The following RAB3GAP2 variants were observed in gnomAD, a reference collection of about 807,000 sequenced individuals.
RAB3GAP2 encodes rab3 GTPase-activating protein non-catalytic subunit.
Under a neutral mutation model 185.3 loss-of-function variants are expected in RAB3GAP2, and 87 were observed. The ratio of observed to expected loss-of-function variants is 0.47; its 90% confidence interval spans 0.39 to 0.56. The LOEUF (loss-of-function observed/expected upper bound fraction) is 0.56, where lower values mean the gene tolerates loss of function less well. Among genes scored for constraint, RAB3GAP2 ranks in the 20% least tolerant of loss-of-function variants. The probability of loss-of-function intolerance (pLI) is 0.00; values close to 1 mark genes in which losing one functional copy is unlikely to be tolerated. For synonymous variants in RAB3GAP2, 554 were observed against 576.1 expected, an observed-to-expected ratio of 0.96 and a Z score of 0.55; for missense variants, 1,492 against 1,638.2, an observed-to-expected ratio of 0.91 and a Z score of 1.54.
At chr1:220,168,746 C>T (rs115194366) in intron 24 of RAB3GAP2, among the ~76,000 whole-genome samples, 3 of 152,154 alleles carry the variant, frequency 2.0e-5, no homozygotes, top group African/African-American at 7.2e-5. Context: ...TATTTATGGG[C>T]CTAATTTAGC....
At chr1:220,200,651 C>A in intron 9 of RAB3GAP2, 1 of 524,286 alleles carries the variant, frequency 1.9e-6, no homozygotes. Context: ...GGGAAGCTAC[C>A]CTGAACTGAA....
At chr1:220,218,951 A>C (rs955523503) in intron 2 of RAB3GAP2, among the ~76,000 whole-genome samples, 2 of 152,198 alleles carry the variant, frequency 1.3e-5, no homozygotes, top group African/African-American at 4.8e-5. Context: ...TACAAGGACA[A>C]AAAGCCTCTA....
chr1:220,178,647 T>C (rs61830432), intron 21 of RAB3GAP2, among the ~76,000 whole-genome samples: 40,006 of 151,694 alleles, frequency 0.26, 5,507 homozygotes, highest in East Asian at 0.4. Flanking sequence ...AAGCCTACAA[T>C]AGATACACAA....
chr1:220,162,684 A>T (rs1657984288), intron 27 of RAB3GAP2, among the ~76,000 whole-genome samples: 1 of 152,210 alleles, frequency 6.6e-6, no homozygotes, highest in Non-Finnish European at 1.5e-5. Context: ...CCACAGGGAA[A>T]ACTGCTGGGT....
chr1:220,220,870 G>GT (rs1278973410), intron 2 of RAB3GAP2, among the ~76,000 whole-genome samples: 3 of 152,304 alleles, frequency 2.0e-5, no homozygotes, highest in Admixed American at 6.5e-5. Context: ...ACGTGGAAGT[G>GT]TAAGTCCAAT....
chr1:220,256,163 A>G (rs1464701379), intron 1 of RAB3GAP2, among the ~76,000 whole-genome samples: 1 of 152,250 alleles, frequency 6.6e-6, no homozygotes, highest in Admixed American at 6.5e-5. Context: ...GCTAAGCTTC[A>G]TAGATGAAGG....
chr1:220,210,397 C>T lies in RAB3GAP2; in HGVS notation c.603G>A (p.Val201=). The T allele has an allele frequency of 6.2e-7, 1 of 1,613,758 alleles. No homozygotes were observed. The highest frequency in any genetic ancestry group is 8.5e-7 in the Non-Finnish European group (1 of 1,179,634). The change falls in exon 7 of 35, where the codon GTG becomes GTA. Residue 201 remains valine (V), a synonymous_variant. Coordinates refer to ENST00000358951, the MANE Select transcript of RAB3GAP2 (RefSeq NM_012414.4). ...RTYEIPRHPG[V]TEQNEELSIL... ...CAATTTTTTACACTACCTGCTCAGT[C>T]ACGCCGGGATGTCGTGGTATTTCAT...
At chr1:220,182,029 C>G (rs996850139) in intron 21 of RAB3GAP2, among the ~76,000 whole-genome samples, 1 of 151,246 alleles carries the variant, frequency 6.6e-6, no homozygotes, top group African/African-American at 2.4e-5. Context: ...GCAAGACTCT[C>G]TCTCTCTCTC....
chr1:220,229,077 G>C (rs1014722384), intron 2 of RAB3GAP2, among the ~76,000 whole-genome samples: 3 of 152,144 alleles, frequency 2.0e-5, no homozygotes, highest in African/African-American at 4.8e-5. Context: ...AAGAAGACAT[G>C]CTTTACAGGT....
At position 220,210,466 on chromosome 1, in the gene RAB3GAP2, C is replaced by T; in HGVS notation, c.534G>A (p.Gln178=). 6.2e-7 allele frequency: 1 copy of T among 1,614,078 alleles called. No homozygotes were observed. Among genetic ancestry groups the T allele is most frequent in the Non-Finnish European group, 8.5e-7 (1 of 1,179,914 alleles). The change falls in exon 7 of 35, where the codon CAG becomes CAA. Residue 178 remains glutamine (Q), a synonymous_variant. Coordinates refer to ENST00000358951, the MANE Select transcript of RAB3GAP2 (RefSeq NM_012414.4). The stretch of plus-strand genomic sequence containing the variant: ...GAAGTACTGGGTCCTCATTCAAAAG[C>T]TGTGCAAGCAAGAGCACACCATTCT... ...YTENGVLLLA[Q]LLNEDPVLQL...
chr1:220,199,697 C>T (rs1461145091), intron 9 of RAB3GAP2, among the ~76,000 whole-genome samples: 2 of 152,132 alleles, frequency 1.3e-5, no homozygotes, highest in African/African-American at 4.8e-5. Context: ...TCCTCTCCTC[C>T]TCCTTATTCT....
chr1:220,216,690 T>C (rs867004770), intron 2 of RAB3GAP2, among the ~76,000 whole-genome samples: 1 of 152,314 alleles, frequency 6.6e-6, no homozygotes, highest in Middle Eastern at 3.4e-3. Flanking sequence ...ACTCTTATCC[T>C]AAAATCTCCA....
At chr1:220,211,467 G>A in intron 4 of RAB3GAP2, 3 of 435,538 alleles carry the variant, frequency 6.9e-6, no homozygotes, top group South Asian at 1.7e-5. Context: ...CTGTATTTCT[G>A]CAGGGTACAT....
chr1:220,152,049 C>T (rs1205231797), intron 33 of RAB3GAP2, among the ~76,000 whole-genome samples: 1 of 151,984 alleles, frequency 6.6e-6, no homozygotes, highest in African/African-American at 2.4e-5. Flanking sequence ...AGTTTCATGT[C>T]ATGTCTATTT....
chr1:220,184,267 T>G, intron 18 of RAB3GAP2, 104 bp from the exon 19 acceptor site: 1 of 1,108,036 alleles, frequency 9.0e-7, no homozygotes, highest in East Asian at 2.5e-5. Context: ...TCCCTGATGC[T>G]CTGATGTATT....
At position 220,224,459 on chromosome 1, in the gene RAB3GAP2, T is replaced by C. The variant is rs150936547; in HGVS notation, c.180+8340A>G. 9.0e-3 allele frequency among the ~76,000 whole-genome samples: 1,370 copies of C among 152,308 alleles called. 53 individuals are homozygous for C. Among genetic ancestry groups the C allele is most frequent in the Admixed American group, 0.062 (954 of 15,304 alleles). On this transcript the variant is annotated intron_variant, in intron 2 of 34. Coordinates refer to ENST00000358951, the MANE Select transcript of RAB3GAP2 (RefSeq NM_012414.4). Reference sequence around the variant, plus strand: ...ACAGTACAGCTATACAATAAAATAGTATTCCTTGAAAAGAATGAAATAATT... The same window carrying C: ...ACAGTACAGCTATACAATAAAATAGCATTCCTTGAAAAGAATGAAATAATT...
rs970716936 is a variant in RAB3GAP2, at chr1:220,170,997, T to A, written c.2701A>T (p.Thr901Ser). The A allele has an allele frequency of 6.2e-7, 1 of 1,614,064 alleles. No homozygotes were observed. ...KQLEDCLILQ[T>S]LLHSKGNTQT... The stretch of plus-strand genomic sequence containing the variant: ...GTGTTCCCTTTGCTGTGAAGCAGAG[T>A]CTGAAGTATGAGACAATCCTCCAGC... The change falls in exon 24 of 35, where the codon ACT becomes TCT. Residue 901 changes from threonine (T) to serine (S), a missense_variant. This residue lies in a region of RAB3GAP2 where 681 missense variants were observed against 689.1 expected (regional missense o/e 0.99). Transcript: ENST00000358951.
intron 1 of RAB3GAP2, chr1:220,267,275 G>A (rs1660244972): frequency 3.0e-5 from 27 of 907,846 alleles, no homozygotes; most frequent in Non-Finnish European, 4.8e-5. Context: ...ACTGTTTCAA[G>A]TGGTGTATAT....
chr1:220,234,415 C>T (rs1428209686), intron 1 of RAB3GAP2, among the ~76,000 whole-genome samples: 1 of 151,558 alleles, frequency 6.6e-6, no homozygotes, highest in Non-Finnish European at 1.5e-5. Context: ...TAGTCTAGTA[C>T]TTGGAGTCAT....
Sources: allele counts gnomAD v4.1 joint callset (sites outside exome capture counted in the v4.1 genomes callset), GRCh38; gene constraint gnomAD v4.1.1; regional missense constraint gnomAD v4.1.1; transcripts MANE v1.5; gene names NCBI Gene and HGNC (gene_info 2026-07-23, HGNC 2026-07-21).